NELL1: variants seen among roughly 807,000 people sequenced by gnomAD.
NELL1 encodes neural EGFL like 1, also known as protein kinase C-binding protein NELL1.
In NELL1, 76 loss-of-function variants were observed where a neutral mutation model predicts 107.4. That is an observed-to-expected ratio of 0.71 (90% CI 0.59 to 0.86). NELL1 has a LOEUF of 0.86. Among genes scored for constraint, NELL1 ranks in the 40% least tolerant of loss-of-function variants. The pLI is 0.00. For synonymous variants in NELL1, 353 were observed against 341.2 expected, an observed-to-expected ratio of 1.03 and a Z score of -0.38; for missense variants, 1,024 against 1,005.5, an observed-to-expected ratio of 1.02 and a Z score of -0.25.
At chr11:21,360,054 T>C (rs976203932) in intron 14 of NELL1, among the ~76,000 whole-genome samples, 7 of 152,158 alleles carry the variant, frequency 4.6e-5, no homozygotes, top group African/African-American at 1.7e-4. Flanking sequence ...TCTCCTTGTT[T>C]CTCTAGTTCC....
chr11:21,337,735 C>CCTTCCTTT (rs1555006063), intron 14 of NELL1, among the ~76,000 whole-genome samples: 41 of 105,376 alleles, frequency 3.9e-4, no homozygotes, highest in South Asian at 1.5e-3. Flanking sequence ...TTCTTTCTTT[C>CCTTCCTTT]CTTTCTTTCT....
chr11:21,050,743 T>G (rs1327366617), intron 12 of NELL1, among the ~76,000 whole-genome samples: 10 of 152,178 alleles, frequency 6.6e-5, no homozygotes, highest in Admixed American at 6.6e-4. Context: ...GGACTTAGTT[T>G]TCTCATCTGT....
chr11:21,354,649 C>G (rs1306760925), intron 14 of NELL1, among the ~76,000 whole-genome samples: 4 of 152,186 alleles, frequency 2.6e-5, no homozygotes, highest in African/African-American at 9.6e-5. Flanking sequence ...AAATGCTTTA[C>G]AAATCTGAGA....
At chr11:20,887,210 T>C (rs929168661) in intron 5 of NELL1, among the ~76,000 whole-genome samples, 2 of 152,242 alleles carry the variant, frequency 1.3e-5, no homozygotes, top group Non-Finnish European at 2.9e-5. Context: ...TTCTGTTGTA[T>C]GAATGTATCA....
At chr11:21,102,666 T>A (rs189961512) in intron 12 of NELL1, among the ~76,000 whole-genome samples, 1 of 152,310 alleles carries the variant, frequency 6.6e-6, no homozygotes, top group Non-Finnish European at 1.5e-5. Flanking sequence ...GTTCTTTCAC[T>A]TAAAAAATGA....
intron 15 of NELL1, among the ~76,000 whole-genome samples, chr11:21,404,109 G>T (rs2133801484): frequency 7.0e-6 from 1 of 142,848 alleles, no homozygotes; most frequent in Non-Finnish European, 1.5e-5. Flanking sequence ...CAAAACACAT[G>T]TGACAGTCAA....
intron 5 of NELL1, among the ~76,000 whole-genome samples, chr11:20,885,773 A>G (rs865798670): frequency 6.6e-6 from 1 of 152,222 alleles, no homozygotes. Context: ...AACCAGGCAG[A>G]GAGTTAAGTG....
At chr11:21,494,235 A>G (rs1166460296) in intron 15 of NELL1, among the ~76,000 whole-genome samples, 1 of 152,034 alleles carries the variant, frequency 6.6e-6, no homozygotes, top group African/African-American at 2.4e-5. Flanking sequence ...GTAAACATCT[A>G]TTGTTTTATA....
At chr11:21,266,631 A>G (rs1235026025) in intron 14 of NELL1, among the ~76,000 whole-genome samples, 1 of 151,814 alleles carries the variant, frequency 6.6e-6, no homozygotes, top group Non-Finnish European at 1.5e-5. Flanking sequence ...TTATCTTGTC[A>G]TCTTCTTTTG....
intron 3 of NELL1, among the ~76,000 whole-genome samples, chr11:20,813,478 AC>A (rs1455787260): frequency 1.0e-4 from 15 of 147,192 alleles, no homozygotes; most frequent in Admixed American, 2.7e-4. Context: ...ATAAAAAAAA[AC>A]CATTGCTGGC....
chr11:21,205,153 G>A (rs375470486), intron 13 of NELL1, among the ~76,000 whole-genome samples: 2 of 152,272 alleles, frequency 1.3e-5, no homozygotes, highest in African/African-American at 4.8e-5. Context: ...TGGGAGATTT[G>A]CTGCTCTCTT....
At chr11:21,297,118 G>T (rs533690614) in intron 14 of NELL1, among the ~76,000 whole-genome samples, 9 of 151,858 alleles carry the variant, frequency 5.9e-5, no homozygotes, top group African/African-American at 2.2e-4. Context: ...TGTGGGAAAA[G>T]GGATCAAAGG....
intron 12 of NELL1, among the ~76,000 whole-genome samples, chr11:21,097,539 G>A (rs906363030): frequency 6.6e-6 from 1 of 150,532 alleles, no homozygotes; most frequent in Non-Finnish European, 1.5e-5. Context: ...TGGGGGAGGG[G>A]GATGTGAGGT....
At chr11:21,275,651 A>G (rs1415610060) in intron 14 of NELL1, among the ~76,000 whole-genome samples, 3 of 152,256 alleles carry the variant, frequency 2.0e-5, no homozygotes, top group Non-Finnish European at 2.9e-5. Flanking sequence ...AAAATCCTCA[A>G]TAAAATACTG....
intron 12 of NELL1, among the ~76,000 whole-genome samples, chr11:21,061,747 T>C (rs1853747155): frequency 6.6e-6 from 1 of 152,126 alleles, no homozygotes; most frequent in African/African-American, 2.4e-5. Flanking sequence ...CAAAAGTCCA[T>C]TTTTGCTTCT....
At chr11:21,522,273 AT>A (rs1355191531) in intron 15 of NELL1, among the ~76,000 whole-genome samples, 4 of 152,080 alleles carry the variant, frequency 2.6e-5, no homozygotes, top group Non-Finnish European at 4.4e-5. Context: ...TCATCTTTTA[AT>A]TTAAGTACTA....
chr11:21,413,355 G>T (rs1261512710), intron 15 of NELL1, among the ~76,000 whole-genome samples: 3 of 151,842 alleles, frequency 2.0e-5, no homozygotes. Context: ...GCTGGGGGTG[G>T]GGGGGAGATA....
intron 12 of NELL1, among the ~76,000 whole-genome samples, chr11:21,065,780 G>A (rs891181070): frequency 6.6e-6 from 1 of 152,156 alleles, no homozygotes; most frequent in African/African-American, 2.4e-5. Context: ...AATTGAATAA[G>A]TGCTTTTGAG....
At chr11:21,565,823 G>A (rs553753474) in intron 17 of NELL1, among the ~76,000 whole-genome samples, 1 of 152,002 alleles carries the variant, frequency 6.6e-6, no homozygotes, top group South Asian at 2.1e-4. Flanking sequence ...ACTGCTAAAT[G>A]TGTTTCTACC....
Sources: gnomAD v4.1 joint callset for allele counts (sites outside exome capture counted in the v4.1 genomes callset) on GRCh38, gnomAD v4.1.1 for gene constraint, MANE v1.5 for transcripts, NCBI Gene and HGNC (gene_info 2026-07-23, HGNC 2026-07-21) for gene names.